Variants in MIDEAS observed in about 807,000 individuals in gnomAD.
MIDEAS encodes the protein mitotic deacetylase-associated SANT domain protein.
Under a neutral mutation model 102.7 loss-of-function variants are expected in MIDEAS, and 26 were observed. The observed-to-expected ratio is 0.25, with a 90% CI of 0.19 to 0.35. MIDEAS has a LOEUF of 0.35. Ranked by LOEUF, MIDEAS falls within the 10% of genes least tolerant of loss-of-function variation. The pLI is 1.00. For missense variants in MIDEAS, 1,231 were observed against 1,435.6 expected, an observed-to-expected ratio of 0.86 and a Z score of 2.30; for synonymous variants, 585 against 591.0, an observed-to-expected ratio of 0.99 and a Z score of 0.15.
chr14:73,735,812 C>G (rs2053192807), intron 3 of MIDEAS, among the ~76,000 whole-genome samples: 1 of 152,170 alleles, frequency 6.6e-6, no homozygotes, highest in Admixed American at 6.5e-5. Flanking sequence ...ACCACTACAC[C>G]ATCTATGCGT....
At position 73,715,584 on chromosome 14, in the gene MIDEAS, A is replaced by C. The variant is rs2052873316; in HGVS notation, c.*3259T>G. 2 of 152,472 alleles carry C rather than the reference A, an allele frequency of 1.3e-5. No individual in the cohort carries two copies. Among genetic ancestry groups the C allele is most frequent in the South Asian group, 4.1e-4 (2 of 4,832 alleles). 9.4% of individuals were successfully genotyped at this position (152,472 alleles called of 1,614,324 possible). A position where few individuals can be genotyped will look rare whatever the true frequency, so the allele number is the denominator to read the frequency against. ...TAGAAGCAAATATTAACATAGCAAAATGTGGGGAGGACACAATTGTTTTAT... is the reference window on the plus strand; with the variant it reads ...TAGAAGCAAATATTAACATAGCAAACTGTGGGGAGGACACAATTGTTTTAT... On this transcript the variant is annotated 3_prime_UTR_variant, in exon 13 of 13. Transcript: ENST00000423556.
chr14:73,767,937 T>C lies in MIDEAS; in HGVS notation c.-248+19165A>G, dbSNP rs778387837. Among the ~76,000 whole-genome samples the C allele has an allele frequency of 1.2e-4, 18 of 152,174 alleles. No homozygotes were observed. In the South Asian group the frequency reaches 1.2e-3, roughly 11 times the overall value. On this transcript the variant is annotated intron_variant, in intron 1 of 11. Coordinates refer to the MIDEAS transcript ENST00000394071. Reference sequence around the variant, plus strand: ...ACTCTGGGAGGCCAAGGTGGGTGGATTGCTTGAGCTCAGGACTTCAAGACC... The same window carrying C: ...ACTCTGGGAGGCCAAGGTGGGTGGACTGCTTGAGCTCAGGACTTCAAGACC...
intron 1 of MIDEAS, among the ~76,000 whole-genome samples, chr14:73,774,393 C>A (rs2053671479): frequency 6.6e-6 from 1 of 151,864 alleles, no homozygotes; most frequent in African/African-American, 2.4e-5. Flanking sequence ...CCAGGTGGGA[C>A]AGGACTTTCA....
At position 73,719,094 on chromosome 14, in the gene MIDEAS, C is replaced by T. The variant is rs2052942758; in HGVS notation, c.3135-86G>A. On this transcript the variant is annotated intron_variant, in intron 12 of 12. Transcript: ENST00000423556. ...GTGCGCGAGGAGCCCCAGCCTTCAC[C>T]TTCACCCCCACGCTGCACAGCCGCG... The T allele has an allele frequency of 6.2e-6, 9 of 1,451,354 alleles. No homozygotes were observed. The South Asian group carries it at 8.7e-5, about 14-fold the overall frequency. 89.9% of individuals were successfully genotyped at this position (1,451,354 alleles called of 1,614,324 possible).
At chr14:73,766,689 A>G (rs1010513030) in intron 1 of MIDEAS, among the ~76,000 whole-genome samples, 2 of 151,644 alleles carry the variant, frequency 1.3e-5, no homozygotes, top group African/African-American at 2.4e-5. Flanking sequence ...TGCTGGGACT[A>G]CAGGCAGCTG....
chr14:73,737,386 G>A, intron 2 of MIDEAS, 89 bp from the exon 3 acceptor site: 1 of 1,402,610 alleles, frequency 7.1e-7, no homozygotes, highest in Non-Finnish European at 9.6e-7. Context: ...CACTTTGGGA[G>A]GACAAGATTA....
intron 1 of MIDEAS, among the ~76,000 whole-genome samples, chr14:73,769,954 T>C (rs980838862): frequency 6.6e-6 from 1 of 150,386 alleles, no homozygotes; most frequent in African/African-American, 2.5e-5. Flanking sequence ...TGTAGGTGTA[T>C]ATATTTAGTG....
chr14:73,737,132 T>C lies in MIDEAS; in HGVS notation c.1615A>G (p.Thr539Ala), dbSNP rs1368018695. The change falls in exon 3 of 13, where the codon ACT becomes GCT. Residue 539 changes from threonine to alanine, a missense_variant. By Grantham distance (58) the Thr-to-Ala change is moderately conservative (BLOSUM62 0). Transcript: ENST00000423556. ...AGACCTCCAGCCTGGGCTGCCTCAG[T>C]TGGGTCCACAGTTCGCACAGGCACA... ...VSVPVRTVDP[T>A]EAAQAGGLDE... The C allele has an allele frequency of 6.2e-7, 1 of 1,613,628 alleles. No individual in the cohort carries two copies. Among genetic ancestry groups the C allele is most frequent in the Non-Finnish European group, 8.5e-7 (1 of 1,179,902 alleles).
At position 73,738,944 on chromosome 14, in the gene MIDEAS, C is replaced by T; in HGVS notation, c.1065G>A (p.Leu355=). The T allele has an allele frequency of 2.6e-6, 4 of 1,527,106 alleles. No individual in the cohort carries two copies. Among genetic ancestry groups the T allele is most frequent in the Non-Finnish European group, 3.5e-6 (4 of 1,139,410 alleles). 94.6% of individuals were successfully genotyped at this position (1,527,106 alleles called of 1,614,324 possible). Residue 355 remains leucine (L), a synonymous_variant, in exon 2 of 13, where the codon CTG becomes CTA. Transcript: ENST00000423556. ...CAGCCCCATCCAGGGCGCTGGGAGG[C>T]AGGATACCCTCCTTAGAGAGGCGGC... is the stretch of plus-strand genomic sequence containing the variant. ...RSRRLSKEGI[L]PPSALDGAGT...
intron 9 of MIDEAS, chr14:73,723,758 A>T (rs1001024910): frequency 2.0e-5 from 3 of 152,190 alleles, no homozygotes; most frequent in South Asian, 4.1e-4. Context: ...AAATTTTTCA[A>T]ACTGAAAAGT....
chr14:73,719,227 C>CGGCCCCG, intron 12 of MIDEAS, 78 bp downstream of exon 12: 1 of 1,469,012 alleles, frequency 6.8e-7, no homozygotes, highest in Non-Finnish European at 9.0e-7. Flanking sequence ...CCTCTTCCCC[C>CGGCCCCG]TCCCCTCCAC....
chr14:73,732,617 C>G (rs1423485186), intron 3 of MIDEAS, among the ~76,000 whole-genome samples: 7 of 151,570 alleles, frequency 4.6e-5, no homozygotes, highest in Admixed American at 4.6e-4. Context: ...AAAACCCCAT[C>G]TCTACTAAAG....
At chr14:73,720,832 G>A (rs1258391699) in intron 11 of MIDEAS, among the ~76,000 whole-genome samples, 2 of 152,196 alleles carry the variant, frequency 1.3e-5, no homozygotes, top group African/African-American at 2.4e-5. Context: ...AAAGCACTTT[G>A]CAGAGATCAT....
At chr14:73,719,222 T>TCC in intron 12 of MIDEAS, 83 bp downstream of exon 12, 2 of 1,497,114 alleles carry the variant, frequency 1.3e-6, no homozygotes, top group South Asian at 1.2e-5. Context: ...CTGTACCTCT[T>TCC]CCCCCTCCCC....
At chr14:73,781,913 C>T (rs1221532182) in intron 1 of MIDEAS, among the ~76,000 whole-genome samples, 4 of 151,900 alleles carry the variant, frequency 2.6e-5, no homozygotes, top group East Asian at 1.9e-4. Flanking sequence ...AAAAATTAGA[C>T]GGGCGTGGTG....
chr14:73,719,287 C>G lies in MIDEAS; in HGVS notation c.3134+18G>C, dbSNP rs2052948804. ...CAGCCCGCGGGGGTCCCAGCGGGGA[C>G]AGCGCTGCCCACCTTACCTGCCACA... On this transcript the variant is annotated intron_variant, in intron 12 of 12. Coordinates refer to ENST00000423556, the MANE Select transcript of MIDEAS (RefSeq NM_001367710.1). 2 of 1,610,118 alleles carry G rather than the reference C, an allele frequency of 1.2e-6. No homozygotes were observed. Among genetic ancestry groups the G allele is most frequent in the African/African-American group, 1.3e-5 (1 of 74,616 alleles).
chr14:73,788,284 C>T (rs2053837652), upstream of MIDEAS, among the ~76,000 whole-genome samples: 1 of 152,148 alleles, frequency 6.6e-6, no homozygotes, highest in South Asian at 2.1e-4. Context: ...AGTTAGGGCT[C>T]AACAATTTTC....
intron 1 of MIDEAS, among the ~76,000 whole-genome samples, chr14:73,749,597 T>C (rs2053397392): frequency 6.8e-6 from 1 of 147,900 alleles, no homozygotes; most frequent in African/African-American, 2.5e-5. Flanking sequence ...ATATAAAATA[T>C]ATATATGTAT....
chr14:73,719,085 A>C (rs1434371801), intron 12 of MIDEAS, 77 bp from the exon 13 acceptor site: 1 of 1,448,212 alleles, frequency 6.9e-7, no homozygotes, highest in African/African-American at 1.4e-5. Context: ...GAGGAGCCCC[A>C]GCCTTCACCT....
Sources: gnomAD v4.1 joint callset for allele counts (sites outside exome capture counted in the v4.1 genomes callset) on GRCh38, gnomAD v4.1.1 for gene constraint, MANE v1.5 for transcripts, NCBI Gene and HGNC (gene_info 2026-07-23, HGNC 2026-07-21) for gene names.